The following SPEF2 variants were observed in gnomAD, a reference collection of about 807,000 sequenced individuals.
The protein encoded by SPEF2 is sperm flagellar and cilia associated 2.
SPEF2 carries 187 observed loss-of-function variants against 224.6 expected under a neutral mutation model. The observed-to-expected ratio is 0.83, with a 90% CI of 0.74 to 0.94. The LOEUF (loss-of-function observed/expected upper bound fraction) is 0.94. Ranked by LOEUF, SPEF2 falls within the 40% of genes least tolerant of loss-of-function variation. SPEF2 has a pLI of 0.00. For synonymous variants in SPEF2, 715 were observed against 707.3 expected (o/e 1.01, Z -0.17); for missense variants, 2,170 against 2,135.6 (o/e 1.02, Z -0.32).
chr5:35,663,608 A>G (rs1315548182), intron 8 of SPEF2, among the ~76,000 whole-genome samples: 1 of 152,144 alleles, frequency 6.6e-6, no homozygotes, highest in Non-Finnish European at 1.5e-5. Flanking sequence ...CCATGTCTAC[A>G]CTACCACCCC....
intron 23 of SPEF2, among the ~76,000 whole-genome samples, chr5:35,748,357 C>CA (rs894035259): frequency 5.3e-5 from 8 of 151,064 alleles, no homozygotes; most frequent in African/African-American, 1.2e-4. Context: ...GAAATTGGAA[C>CA]AAAAAAAATA....
At chr5:35,655,064 T>G (rs1389283277) in intron 7 of SPEF2, among the ~76,000 whole-genome samples, 2 of 152,214 alleles carry the variant, frequency 1.3e-5, no homozygotes, top group African/African-American at 4.8e-5. Context: ...CTATTGTTAC[T>G]TTTAGAGGAA....
At chr5:35,628,834 C>T (rs879450126) in intron 2 of SPEF2, among the ~76,000 whole-genome samples, 5 of 152,032 alleles carry the variant, frequency 3.3e-5, no homozygotes, top group Admixed American at 2.6e-4. Context: ...TCAAGAGATC[C>T]TCCTGCCTCA....
At chr5:35,740,360 G>T in intron 23 of SPEF2, 93 bp downstream of exon 23, 1 of 1,493,578 alleles carries the variant, frequency 6.7e-7, no homozygotes, top group South Asian at 1.2e-5. Flanking sequence ...CTTTTGTGAA[G>T]TATGAGGATG....
At chr5:35,726,111 T>C (rs2149650547) in intron 20 of SPEF2, among the ~76,000 whole-genome samples, 1 of 152,336 alleles carries the variant, frequency 6.6e-6, no homozygotes, top group East Asian at 1.9e-4. Context: ...AACGCATAGA[T>C]ACATTTTTAT....
Position 35,700,703 on chromosome 5 carries a change from A to C in SPEF2, c.2349A>C (p.Leu783Phe), listed in dbSNP as rs907371994. 2 of 1,613,980 alleles carry C rather than the reference A, an allele frequency of 1.2e-6. No individual in the cohort carries two copies. ...CTCCTGCATTTGATTTTGTCATATT[A>C]TTAGATGTTTCAGATACTTCCTCAA... ...LPSPAFDFVI[L>F]LDVSDTSSMS... The change falls in exon 16 of 37, where the codon TTA becomes TTC. Residue 783 changes from leucine to phenylalanine, a missense_variant. By Grantham distance (22) the Leu-to-Phe change is conservative. Coordinates refer to ENST00000356031, the MANE Select transcript of SPEF2 (RefSeq NM_024867.4).
intron 18 of SPEF2, 48 bp downstream of exon 18, chr5:35,705,856 G>A (rs1739649019): frequency 8.3e-7 from 1 of 1,199,796 alleles, no homozygotes; most frequent in African/African-American, 1.6e-5. Flanking sequence ...TAAAATGTGT[G>A]GTTTTTAATG....
At chr5:35,662,033 T>C (rs1749813689) in intron 8 of SPEF2, among the ~76,000 whole-genome samples, 1 of 152,108 alleles carries the variant, frequency 6.6e-6, no homozygotes, top group South Asian at 2.1e-4. Flanking sequence ...ACTAATTTAC[T>C]CTTCCACCTA....
At chr5:35,811,733 G>A (rs1054605314) in intron 36 of SPEF2, among the ~76,000 whole-genome samples, 5 of 149,290 alleles carry the variant, frequency 3.3e-5, no homozygotes, top group African/African-American at 1.2e-4. Flanking sequence ...CTACTATTAG[G>A]TTCGTGCAAA....
intron 2 of SPEF2, among the ~76,000 whole-genome samples, chr5:35,632,296 T>TA (rs1388685535): frequency 6.6e-6 from 1 of 152,228 alleles, no homozygotes; most frequent in South Asian, 2.1e-4. Context: ...TCAGGAAACT[T>TA]ACAATCATGG....
rs767462693 is a variant in SPEF2, at chr5:35,695,798, T to A, written c.2037+2T>A. 1 of 1,601,096 alleles carries A rather than the reference T, an allele frequency of 6.2e-7. No homozygotes were observed. Among genetic ancestry groups the A allele is most frequent in the Non-Finnish European group, 8.5e-7 (1 of 1,171,910 alleles). On this transcript the variant is annotated splice_donor_variant, in intron 14 of 36. Transcript: ENST00000356031. LOFTEE classifies it high-confidence loss of function. ...AAATCAAGTGATAGTTTCTTAAAAG[T>A]AAGTATTATGATCTAATTTTAGCTA... is the stretch of plus-strand genomic sequence containing the variant.
intron 4 of SPEF2, 77 bp from the exon 5 acceptor site, chr5:35,646,590 T>C: frequency 7.2e-7 from 1 of 1,388,518 alleles, no homozygotes; most frequent in Non-Finnish European, 9.8e-7. Flanking sequence ...AAATTTTATA[T>C]ATTTGTACCT....
chr5:35,630,576 G>C (rs918248478), intron 2 of SPEF2, among the ~76,000 whole-genome samples: 1 of 152,102 alleles, frequency 6.6e-6, no homozygotes, highest in Non-Finnish European at 1.5e-5. Context: ...GGCGTCTGTA[G>C]TCCCAGCTAC....
chr5:35,751,045 A>ATATATATACACG (rs1554048674), intron 23 of SPEF2, among the ~76,000 whole-genome samples: 3 of 64,342 alleles, frequency 4.7e-5, no homozygotes, highest in Non-Finnish European at 6.2e-5. Flanking sequence ...ACACATATGT[A>ATATATATACACG]TATATATATA....
chr5:35,718,902 G>T (rs1743112219), intron 20 of SPEF2, among the ~76,000 whole-genome samples: 1 of 152,186 alleles, frequency 6.6e-6, no homozygotes, highest in African/African-American at 2.4e-5. Flanking sequence ...GTGTCTCAGG[G>T]AGTTACATGG....
chr5:35,653,116 T>A (rs894259387), intron 6 of SPEF2, among the ~76,000 whole-genome samples: 12 of 152,232 alleles, frequency 7.9e-5, no homozygotes, highest in African/African-American at 2.4e-4. Flanking sequence ...ATGATAAATT[T>A]GGAATGAATC....
intron 31 of SPEF2, 127 bp from the exon 32 acceptor site, chr5:35,793,032 T>C: frequency 1.3e-6 from 1 of 795,048 alleles, no homozygotes; most frequent in Non-Finnish European, 2.0e-6. Flanking sequence ...AAGTCAGAAC[T>C]GATTCTATGT....
At chr5:35,738,615 G>A (rs112726455) in intron 21 of SPEF2, among the ~76,000 whole-genome samples, 5 of 149,636 alleles carry the variant, frequency 3.3e-5, no homozygotes, top group African/African-American at 9.8e-5. Flanking sequence ...CTTGTCTGCC[G>A]CTAATCTGGG....
chr5:35,667,456 T>A (rs993834549), intron 9 of SPEF2, among the ~76,000 whole-genome samples, 197 bp downstream of exon 9: 5 of 152,126 alleles, frequency 3.3e-5, no homozygotes, highest in Non-Finnish European at 7.4e-5. Context: ...CATATATGCC[T>A]TTTTCCTCAC....
Sources: gnomAD v4.1 joint callset for allele counts (sites outside exome capture counted in the v4.1 genomes callset) on GRCh38, gnomAD v4.1.1 for gene constraint, MANE v1.5 for transcripts, NCBI Gene and HGNC (gene_info 2026-07-23, HGNC 2026-07-21) for gene names.